CLN5: variants seen among roughly 807,000 people sequenced by gnomAD.
CLN5 encodes the protein bis(monoacylglycero)phosphate synthase CLN5.
CLN5 carries 34 observed loss-of-function variants against 36.7 expected under a neutral mutation model. The observed-to-expected ratio is 0.93, with a 90% CI of 0.71 to 1.23. CLN5 has a LOEUF of 1.23. CLN5 is among the 50% of genes most tolerant of loss of function. The probability of loss-of-function intolerance (pLI) is 0.00; values close to 1 mark genes in which losing one functional copy is unlikely to be tolerated. For synonymous variants in CLN5, 151 were observed against 155.1 expected (o/e 0.97, Z 0.20); for missense variants, 427 against 439.4 (o/e 0.97, Z 0.25).
At position 76,992,288 on chromosome 13, in the gene CLN5, G is replaced by T; in HGVS notation, c.173+17G>T. On this transcript the variant is annotated intron_variant, in intron 1 of 3. Coordinates refer to ENST00000377453, the MANE Select transcript of CLN5 (RefSeq NM_006493.4). Reference sequence around the variant, plus strand: ...GCCCTACAAGTGAGTGCGGCGGCGCGCGCACTGTCGGGGTTGGGGTCGGCG... The same window carrying T: ...GCCCTACAAGTGAGTGCGGCGGCGCTCGCACTGTCGGGGTTGGGGTCGGCG... 1 of 1,544,464 alleles carries T rather than the reference G, an allele frequency of 6.5e-7. No homozygotes were observed. Among genetic ancestry groups the T allele is most frequent in the Non-Finnish European group, 8.7e-7 (1 of 1,152,772 alleles).
intron 1 of CLN5, chr13:76,994,765 A>G (rs1393072886): frequency 2.9e-5 from 8 of 278,344 alleles, no homozygotes; most frequent in Non-Finnish European, 4.7e-5. Flanking sequence ...ACATTTGCAA[A>G]TGTCTACTAT....
At chr13:76,995,498 G>C (rs2034249968) in intron 2 of CLN5, 1 of 516,778 alleles carries the variant, frequency 1.9e-6, no homozygotes, top group Non-Finnish European at 3.5e-6. Context: ...AGGCCCAGAA[G>C]TGGCAGGGCA....
In CLN5 at chr13:77,003,901, C is replaced by G. The variant is rs571302849; in HGVS notation, c.*2932C>G. The G allele has an allele frequency of 6.6e-6, 1 of 152,120 alleles. No homozygotes were observed. 9.4% of individuals were successfully genotyped at this position (152,120 alleles called of 1,614,324 possible). ...GGTGGAGGTTCCCACGAGCCAAGAT[C>G]GCACCACTGCACTCCAGCCTGGCAA... On this transcript the variant is annotated 3_prime_UTR_variant, in exon 4 of 4. Coordinates refer to ENST00000377453, the MANE Select transcript of CLN5 (RefSeq NM_006493.4).
At position 77,002,525 on chromosome 13, in the gene CLN5, T is replaced by A. The variant is rs1173304416; in HGVS notation, c.*1556T>A. The A allele has an allele frequency of 6.6e-6, 1 of 152,146 alleles. No homozygotes were observed. The highest frequency in any genetic ancestry group is 2.4e-5 in the African/African-American group (1 of 41,422). The allele number at this position is 152,146 out of a possible 1,614,324, so 9.4% of individuals were successfully genotyped here. On this transcript the variant is annotated 3_prime_UTR_variant, in exon 4 of 4. Coordinates refer to ENST00000377453, the MANE Select transcript of CLN5 (RefSeq NM_006493.4). ...AAAAAATTGGAGCTTGTATTTTATG[T>A]GTCTTTGGTCTTATTTTGTCTAGGA...
rs1040327440 is a variant in CLN5, at chr13:77,000,360, C to T, written c.566-98C>T. Reference sequence around the variant, plus strand: ...TGATGTTACCACCGCACTCTAGCCTCGGCAACAGAGGGAGACCTGTCTTAA... The same window carrying T: ...TGATGTTACCACCGCACTCTAGCCTTGGCAACAGAGGGAGACCTGTCTTAA... On this transcript the variant is annotated intron_variant, in intron 3 of 3. Coordinates refer to ENST00000377453, the MANE Select transcript of CLN5 (RefSeq NM_006493.4). 8 of 1,166,104 alleles carry T rather than the reference C, an allele frequency of 6.9e-6. No homozygotes were observed. The East Asian group carries it at 1.0e-4, about 15-fold the overall frequency. The allele number at this position is 1,166,104 out of a possible 1,614,324, so 72.2% of individuals were successfully genotyped here.
rs780975343 is a variant in CLN5 at position 76,992,287 on chromosome 13, C to T, written c.173+16C>T. On this transcript the variant is annotated intron_variant, in intron 1 of 3. Coordinates refer to ENST00000377453, the MANE Select transcript of CLN5 (RefSeq NM_006493.4). ...TGCCCTACAAGTGAGTGCGGCGGCG[C>T]GCGCACTGTCGGGGTTGGGGTCGGC... 9.1e-6 allele frequency: 14 copies of T among 1,537,132 alleles called. No homozygotes were observed. Among genetic ancestry groups the T allele is most frequent in the Non-Finnish European group, 1.2e-5 (14 of 1,149,270 alleles).
intron 1 of CLN5, chr13:76,994,106 T>C (rs570520723): frequency 6.6e-6 from 1 of 152,348 alleles, no homozygotes; most frequent in East Asian, 1.9e-4. Flanking sequence ...TAAGGTTTAC[T>C]TTATAGCAAA....
At position 76,995,184 on chromosome 13, in the gene CLN5, G is replaced by T; in HGVS notation, c.295G>T (p.Ala99Ser). 6.2e-7 allele frequency: 1 copy of T among 1,614,124 alleles called. No individual in the cohort carries two copies. Among genetic ancestry groups the T allele is most frequent in the Non-Finnish European group, 8.5e-7 (1 of 1,180,002 alleles). The change falls in exon 2 of 4, where the codon GCC becomes TCC. Residue 99 changes from alanine to serine, a missense_variant. Coordinates refer to ENST00000377453, the MANE Select transcript of CLN5 (RefSeq NM_006493.4). Reference protein sequence around the residue: ...DDDIEVFRLQAPVWEFKYGDL... With the variant: ...DDDIEVFRLQSPVWEFKYGDL... ...TGACATTGAAGTTTTTCGATTACAA[G>T]CCCCAGTATGGGAATTTAAATATGG... is the stretch of plus-strand genomic sequence containing the variant.
chr13:77,000,167 C>A, intron 3 of CLN5: 1 of 167,812 alleles, frequency 6.0e-6, no homozygotes, highest in Non-Finnish European at 1.3e-5. Flanking sequence ...TGAGACCAGC[C>A]TGGGCAATAC....
Position 77,000,523 on chromosome 13 carries a change from A to C in CLN5, c.631A>C (p.Thr211Pro). Reference protein sequence around the residue: ...QDNETGIYYETWNVKASPEKG... With the variant: ...QDNETGIYYEPWNVKASPEKG... ...CAATGAAACAGGAATTTATTATGAG[A>C]CATGGAATGTAAAAGCCAGCCCAGA... is the stretch of plus-strand genomic sequence containing the variant. Residue 211 changes from threonine to proline, a missense_variant, in exon 4 of 4, where the codon ACA (threonine) becomes CCA (proline). Physicochemically the swap from Thr to Pro is conservative, Grantham distance 38. Transcript: ENST00000377453. The C allele has an allele frequency of 6.2e-7, 1 of 1,614,126 alleles. No individual in the cohort carries two copies. The highest frequency in any genetic ancestry group is 8.5e-7 in the Non-Finnish European group (1 of 1,180,000).
In CLN5 at chr13:76,995,920, A is replaced by G. The variant is rs1231886495; in HGVS notation, c.358A>G (p.Ile120Val). Residue 120 changes from isoleucine (I) to valine (V), a missense_variant, in exon 3 of 4, where the codon ATT (isoleucine) becomes GTT (valine). Ile to Val is a conservative substitution (Grantham distance 29, BLOSUM62 3). Transcript: ENST00000377453. ...LGHLKIMHDA[I>V]GFRSTLTGKN... The stretch of plus-strand genomic sequence containing the variant: ...TACACAGAAAATTATGCATGATGCC[A>G]TTGGATTCAGAAGTACATTAACTGG... 1 of 1,614,142 alleles carries G rather than the reference A, an allele frequency of 6.2e-7. No individual in the cohort carries two copies. Among genetic ancestry groups the G allele is most frequent in the Non-Finnish European group, 8.5e-7 (1 of 1,179,952 alleles).
At position 77,001,070 on chromosome 13, in the gene CLN5, C is replaced by A; in HGVS notation, c.*101C>A. The A allele has an allele frequency of 1.9e-6, 2 of 1,059,402 alleles. No homozygotes were observed. The highest frequency in any genetic ancestry group is 2.8e-6 in the Non-Finnish European group (2 of 717,992). The allele number at this position is 1,059,402 out of a possible 1,614,324, so 65.6% of individuals were successfully genotyped here. ...ATTCCTTAGCCTTTCTTCCTTGGTG[C>A]ATAAAGTTAAAATGCACATCAGCAG... On this transcript the variant is annotated 3_prime_UTR_variant, in exon 4 of 4. Transcript: ENST00000377453.
At chr13:76,995,670 C>A in intron 2 of CLN5, 1 of 588,806 alleles carries the variant, frequency 1.7e-6, no homozygotes, top group Non-Finnish European at 3.0e-6. Context: ...ACATAACATG[C>A]AGGCCTCCTA....
At position 77,004,466 on chromosome 13, in the gene CLN5, A is replaced by G. The variant is rs1265387009; in HGVS notation, c.*3497A>G. On this transcript the variant is annotated 3_prime_UTR_variant, in exon 4 of 4. Coordinates refer to ENST00000377453, the MANE Select transcript of CLN5 (RefSeq NM_006493.4). ...TACTTAAAACAAGTTAGGATTATTT[A>G]TCCTTTTATTGGACTGATTATTCTA... 1 of 152,176 alleles carries G rather than the reference A, an allele frequency of 6.6e-6. No homozygotes were observed. The highest frequency in any genetic ancestry group is 1.5e-5 in the Non-Finnish European group (1 of 68,024). 9.4% of individuals were successfully genotyped at this position (152,176 alleles called of 1,614,324 possible). A position where few individuals can be genotyped will look rare whatever the true frequency, so the allele number is the denominator to read the frequency against.
rs552142998 is a variant in CLN5 at position 77,001,014 on chromosome 13, T to A, written c.*45T>A. ...TCTTTTTTCTCCAATCACCAGCATC[T>A]GTTTTTCAGGGGGTGATTTTACTTT... On this transcript the variant is annotated 3_prime_UTR_variant, in exon 4 of 4. Coordinates refer to ENST00000377453, the MANE Select transcript of CLN5 (RefSeq NM_006493.4). 55 of 1,549,528 alleles carry A rather than the reference T, an allele frequency of 3.5e-5. No individual in the cohort carries two copies. In the South Asian group the frequency reaches 6.0e-4, roughly 17 times the overall value.
chr13:76,992,331 GGTGCTGGGGC>G, intron 1 of CLN5, 60 bp downstream of exon 1: 3 of 1,445,168 alleles, frequency 2.1e-6, no homozygotes, highest in Non-Finnish European at 2.8e-6. Context: ...TGGGGGATGG[GGTGCTGGGGC>G]GGGGACCCCT....
intron 3 of CLN5, 184 bp from the exon 4 acceptor site, chr13:77,000,274 A>C (rs560043541): frequency 3.8e-6 from 2 of 526,462 alleles, no homozygotes; most frequent in East Asian, 6.2e-5. Flanking sequence ...AGTCCCAGCT[A>C]CTCAGGAGGC....
chr13:77,000,393 A>G (rs534857590), intron 3 of CLN5, 65 bp from the exon 4 acceptor site: 2 of 1,497,282 alleles, frequency 1.3e-6, no homozygotes, highest in Admixed American at 2.3e-5. Context: ...TAAAAAAAAA[A>G]AAAAAAAAAA....
chr13:76,992,427 C>T, intron 1 of CLN5, 156 bp downstream of exon 1: 1 of 873,054 alleles, frequency 1.1e-6, no homozygotes, highest in Non-Finnish European at 1.7e-6. Flanking sequence ...CACTTGAGAG[C>T]AAAGTTGAGG....
Sources: gnomAD v4.1 joint callset for allele counts on GRCh38, gnomAD v4.1.1 for gene constraint, MANE v1.5 for transcripts, NCBI Gene and HGNC (gene_info 2026-07-23, HGNC 2026-07-21) for gene names.